The following VPS4A variants were observed in gnomAD, a reference collection of about 807,000 sequenced individuals.
VPS4A encodes the protein vacuolar protein sorting-associated protein 4A.
A neutral mutation model predicts 52.3 loss-of-function variants in VPS4A; 20 were observed. The observed-to-expected ratio is 0.38, with a 90% CI of 0.27 to 0.56. The LOEUF is 0.56. Among genes scored for constraint, VPS4A ranks in the 20% least tolerant of loss-of-function variants. VPS4A has a pLI of 0.72. For missense variants in VPS4A, 419 were observed against 575.9 expected (o/e 0.73, Z 2.79); for synonymous variants, 293 against 227.7 (o/e 1.29, Z -2.58).
Position 69,318,806 on chromosome 16 carries a change from C to CCGGGCCCGGCCA in VPS4A, c.344-17_344-16insCGGGCCCGGCCA, listed in dbSNP as rs757769093. 7.4e-6 allele frequency: 12 copies of CCGGGCCCGGCCA among 1,611,942 alleles called. No individual in the cohort carries two copies. The highest frequency in any genetic ancestry group is 8.5e-6 in the Non-Finnish European group (10 of 1,179,144). ...CCCTTGGCCGGGCCCGGGCCCGGGC[C>CCGGGCCCGGCCA]GGCCTCCCTCTCGCAGGTGCCGTCG... On this transcript the variant is annotated splice_polypyrimidine_tract_variant and intron_variant, in intron 4 of 10. Transcript: ENST00000254950.
chr16:69,323,532 A>G (rs962909658), intron 10 of VPS4A: 2 of 414,754 alleles, frequency 4.8e-6, no homozygotes, highest in African/African-American at 2.1e-5. Flanking sequence ...TTTGCGGTGC[A>G]GTGAGGCAGT....
At position 69,320,625 on chromosome 16, in the gene VPS4A, C is replaced by G. The variant is rs1427409005; in HGVS notation, c.770-63C>G. The G allele has an allele frequency of 6.9e-6, 10 of 1,441,160 alleles. No individual in the cohort carries two copies. The East Asian group carries it at 2.2e-4, about 32-fold the overall frequency. 89.3% of individuals were successfully genotyped at this position (1,441,160 alleles called of 1,614,324 possible). A position where few individuals can be genotyped will look rare whatever the true frequency, so the allele number is the denominator to read the frequency against. On this transcript the variant is annotated intron_variant, in intron 7 of 10. Transcript: ENST00000254950. The surrounding 1 kb of genome is among the most constrained non-coding windows in gnomAD (Gnocchi z 4.2). ...CACACAAAGCCCCCGGGGTCTGTCC[C>G]CAGGTTTCAACTGACCCGTGCAGGT...
chr16:69,315,209 A>G (rs1965421546), intron 1 of VPS4A, among the ~76,000 whole-genome samples: 1 of 152,068 alleles, frequency 6.6e-6, no homozygotes. Flanking sequence ...AAAAAATAAT[A>G]ATAATAAATA....
chr16:69,320,690 G>A lies in VPS4A; in HGVS notation c.772G>A (p.Val258Met), dbSNP rs755129371. 3 of 1,602,334 alleles carry A rather than the reference G, an allele frequency of 1.9e-6. No individual in the cohort carries two copies. The highest frequency in any genetic ancestry group is 3.4e-5 in the Admixed American group (2 of 58,126). The part of the protein sequence containing the change: ...KTEFLVQMQG[V>M]GNNNDGTLVL... ...TCTTTGTCTCCCTTTCTCCACAGGG[G>A]TGGGGAATAACAATGATGGGACTCT... Residue 258 changes from valine (V) to methionine (M), a missense_variant and splice_region_variant, in exon 8 of 11, where the codon GTG (valine) becomes ATG (methionine). By Grantham distance (21) the Val-to-Met change is conservative. Transcript: ENST00000254950. This position sits in a 1 kb window ranked among gnomAD's most constrained non-coding sequence, Gnocchi z 4.2.
chr16:69,311,428 G>T lies in VPS4A; in HGVS notation c.-84G>T, dbSNP rs2143239599. On this transcript the variant is annotated 5_prime_UTR_variant, in exon 1 of 11. Coordinates refer to ENST00000254950, the MANE Select transcript of VPS4A (RefSeq NM_013245.3). ...CAGCGCCCACCGCCGGGCTTCCCGC[G>T]CCGGACCCAGTACCTCGGCTCCCCG... The T allele has an allele frequency of 1.6e-6, 2 of 1,219,110 alleles. No homozygotes were observed. Among genetic ancestry groups the T allele is most frequent in the East Asian group, 3.4e-5 (1 of 29,192 alleles). 75.5% of individuals were successfully genotyped at this position (1,219,110 alleles called of 1,614,324 possible). A position where few individuals can be genotyped will look rare whatever the true frequency, so the allele number is the denominator to read the frequency against.
At chr16:69,311,562 A>G in intron 1 of VPS4A, 30 bp downstream of exon 1, 1 of 1,291,562 alleles carries the variant, frequency 7.7e-7, no homozygotes, top group Non-Finnish European at 9.9e-7. Flanking sequence ...CCGACTTCGG[A>G]GGCCGAAGGC....
intron 1 of VPS4A, 116 bp downstream of exon 1, chr16:69,311,648 C>T (rs994829698): frequency 1.8e-6 from 2 of 1,083,470 alleles, no homozygotes; most frequent in Admixed American, 9.0e-5. Context: ...GGCCTCGCGA[C>T]CCCGCTCCGG....
Position 69,320,381 on chromosome 16 carries a change from T to C in VPS4A, c.769+92T>C. 2.6e-6 allele frequency: 4 copies of C among 1,541,514 alleles called. No homozygotes were observed. Among genetic ancestry groups the C allele is most frequent in the Non-Finnish European group, 3.5e-6 (4 of 1,137,118 alleles). ...GAGCTGCGGCTGGATTTGGTTGTTC[T>C]CAGCCTCGGAGAGGCACTCCCCAGC... is the stretch of plus-strand genomic sequence containing the variant. On this transcript the variant is annotated intron_variant, in intron 7 of 10. Transcript: ENST00000254950. The surrounding 1 kb of genome is among the most constrained non-coding windows in gnomAD (Gnocchi z 4.2).
intron 1 of VPS4A, 34 bp downstream of exon 1, chr16:69,311,566 C>T (rs1198236519): frequency 2.3e-6 from 3 of 1,286,170 alleles, no homozygotes; most frequent in Admixed American, 3.5e-5. Flanking sequence ...CTTCGGAGGC[C>T]GAAGGCAGCG....
intron 3 of VPS4A, 50 bp from the exon 4 acceptor site, chr16:69,318,600 T>C: frequency 3.2e-6 from 5 of 1,564,120 alleles, no homozygotes; most frequent in Non-Finnish European, 4.3e-6. Context: ...GGAGCACCTC[T>C]GTGCTCCAGG....
chr16:69,319,005 C>G, intron 5 of VPS4A, 63 bp downstream of exon 5: 4 of 1,580,600 alleles, frequency 2.5e-6, no homozygotes, highest in Non-Finnish European at 3.4e-6. Context: ...GGCTGGCACT[C>G]CGAGGCACCC....
chr16:69,321,330 T>C lies in VPS4A; in HGVS notation c.1071+60T>C. The C allele has an allele frequency of 2.0e-6, 3 of 1,516,334 alleles. No homozygotes were observed. The highest frequency in any genetic ancestry group is 2.7e-6 in the Non-Finnish European group (3 of 1,126,006). The allele number at this position is 1,516,334 out of a possible 1,614,324, so 93.9% of individuals were successfully genotyped here. A position where few individuals can be genotyped will look rare whatever the true frequency, so the allele number is the denominator to read the frequency against. On this transcript the variant is annotated intron_variant, in intron 9 of 10. Transcript: ENST00000254950. The surrounding 1 kb of genome is among the most constrained non-coding windows in gnomAD (Gnocchi z 4.5). ...ATAGTAAGAGCGGGATGTTCGGTTT[T>C]TTTTTTCCCAGCTCCTGGTCCTGCT...
At chr16:69,322,871 C>T in intron 10 of VPS4A, 171 bp downstream of exon 10, 1 of 674,088 alleles carries the variant, frequency 1.5e-6, no homozygotes, top group Non-Finnish European at 2.2e-6. Context: ...AGTTCGAGAC[C>T]AGCCTAGCCA....
intron 3 of VPS4A, among the ~76,000 whole-genome samples, chr16:69,317,742 G>A (rs1282176395): frequency 6.6e-6 from 1 of 151,912 alleles, no homozygotes; most frequent in Non-Finnish European, 1.5e-5. Context: ...GCAGTGAGCC[G>A]AGATCGAGCC....
At position 69,322,549 on chromosome 16, in the gene VPS4A, T is replaced by C. The variant is rs181269800; in HGVS notation, c.1072-11T>C. On this transcript the variant is annotated splice_polypyrimidine_tract_variant and intron_variant, in intron 9 of 10. Coordinates refer to ENST00000254950, the MANE Select transcript of VPS4A (RefSeq NM_013245.3). ...GGGGCAGCTGCCCCAGTCAGATCCATTTGGTTTCAGGTCTGTGGCCCCTCT... is the reference window on the plus strand; with the variant it reads ...GGGGCAGCTGCCCCAGTCAGATCCACTTGGTTTCAGGTCTGTGGCCCCTCT... 1.6e-3 allele frequency: 2,549 copies of C among 1,609,528 alleles called. 6 individuals carry two copies. Among genetic ancestry groups the C allele is most frequent in the Non-Finnish European group, 1.7e-3 (2,056 of 1,177,478 alleles).
At chr16:69,315,933 C>A in intron 1 of VPS4A, 75 bp from the exon 2 acceptor site, 1 of 1,294,576 alleles carries the variant, frequency 7.7e-7, no homozygotes, top group African/African-American at 1.5e-5. Context: ...CGTCACGTTT[C>A]ATCCCCATGC....
chr16:69,319,660 A>G, intron 6 of VPS4A, 117 bp downstream of exon 6: 2 of 1,344,460 alleles, frequency 1.5e-6, no homozygotes, highest in Non-Finnish European at 2.0e-6. Flanking sequence ...GAGGGTACCC[A>G]AGAGCAGTGT....
chr16:69,322,485 T>G, intron 9 of VPS4A, 75 bp from the exon 10 acceptor site: 3 of 1,461,868 alleles, frequency 2.1e-6, no homozygotes, highest in Non-Finnish European at 2.7e-6. Flanking sequence ...CTTTGGGACT[T>G]CCTTAGAGAC....
At chr16:69,324,106 G>A in intron 10 of VPS4A, 102 bp from the exon 11 acceptor site, 1 of 1,248,648 alleles carries the variant, frequency 8.0e-7, no homozygotes, top group Admixed American at 2.1e-5. Context: ...TGGCCTTGAA[G>A]GCAAACCTCT....
Sources: gnomAD v4.1 joint callset for allele counts (sites outside exome capture counted in the v4.1 genomes callset) on GRCh38, gnomAD v4.1.1 for gene constraint, Gnocchi (gnomAD v3.1) non-coding constraint, MANE v1.5 for transcripts, NCBI Gene and HGNC (gene_info 2026-07-23, HGNC 2026-07-21) for gene names.